Variants in MAPT observed in about 807,000 individuals in gnomAD.
MAPT encodes microtubule associated protein tau, also known as microtubule-associated protein tau.
Under a neutral mutation model 67.9 loss-of-function variants are expected in MAPT, and 34 were observed. The observed-to-expected ratio is 0.50, with a 90% confidence interval of 0.38 to 0.67. MAPT has a LOEUF of 0.67. Ranked by LOEUF, MAPT falls within the 30% of genes least tolerant of loss-of-function variation. The pLI, the probability that MAPT is intolerant of heterozygous loss-of-function variation, is 0.00. For missense variants in MAPT, 881 were observed against 1,115.2 expected (o/e 0.79, Z 2.99); for synonymous variants, 456 against 464.5 (o/e 0.98, Z 0.23).
At chr17:45,994,372 A>G (rs2074305395) in intron 8 of MAPT, among the ~76,000 whole-genome samples, 2 of 152,144 alleles carry the variant, frequency 1.3e-5, no homozygotes, top group African/African-American at 4.8e-5. Flanking sequence ...TGGGTCTCTG[A>G]AGTCAGGGAG....
At chr17:45,964,206 G>T (rs920237630) in intron 2 of MAPT, among the ~76,000 whole-genome samples, 244 of 151,008 alleles carry the variant, frequency 1.6e-3, no homozygotes, top group Middle Eastern at 3.5e-3. Context: ...GTTTTTTTTT[G>T]TTTTGTTTTG....
At chr17:45,961,410 C>T (rs1482622000) in intron 1 of MAPT, among the ~76,000 whole-genome samples, 2 of 152,248 alleles carry the variant, frequency 1.3e-5, no homozygotes, top group African/African-American at 4.8e-5. Context: ...GGAGAGCCAC[C>T]GTTGGAACAC....
At chr17:46,006,408 G>A (rs529067950) in intron 9 of MAPT, among the ~76,000 whole-genome samples, 4 of 152,210 alleles carry the variant, frequency 2.6e-5, no homozygotes, top group Non-Finnish European at 4.4e-5. Flanking sequence ...ATAGAGAGTA[G>A]AAGGATGGTT....
chr17:45,905,899 G>A (rs1391522585), intron 1 of MAPT, among the ~76,000 whole-genome samples: 3 of 152,356 alleles, frequency 2.0e-5, no homozygotes, highest in South Asian at 2.1e-4. Context: ...CCCAGGAGCC[G>A]CAGTCAGGTG....
chr17:46,014,400 C>T, intron 11 of MAPT, 76 bp downstream of exon 11: 1 of 1,004,138 alleles, frequency 1.0e-6, no homozygotes, highest in Non-Finnish European at 1.6e-6. Context: ...TGGAACTGCT[C>T]CAGACTTCAG....
chr17:45,952,362 C>G (rs562288858), intron 1 of MAPT, among the ~76,000 whole-genome samples: 91 of 152,332 alleles, frequency 6.0e-4, no homozygotes, highest in Non-Finnish European at 5.1e-4. Flanking sequence ...CTCACCTGGC[C>G]TGGGCTGGAG....
intron 1 of MAPT, among the ~76,000 whole-genome samples, chr17:45,919,687 A>G (rs928268225): frequency 3.9e-5 from 6 of 152,242 alleles, no homozygotes; most frequent in Non-Finnish European, 8.8e-5. Flanking sequence ...GCAGAGGATC[A>G]CTTGAGCCCA....
chr17:46,023,486 C>T (rs1174661794), intron 12 of MAPT, among the ~76,000 whole-genome samples: 1 of 152,268 alleles, frequency 6.6e-6, no homozygotes, highest in East Asian at 1.9e-4. Context: ...TACCTGGGTG[C>T]CTGGGAGGCA....
At chr17:45,962,259 C>A in intron 1 of MAPT, 62 bp from the exon 2 acceptor site, 1 of 1,399,182 alleles carries the variant, frequency 7.1e-7, no homozygotes, top group Non-Finnish European at 1.0e-6. Flanking sequence ...TCCTCTCTCT[C>A]TTCACCCCCA....
At chr17:45,970,695 G>T (rs1391793899) in intron 2 of MAPT, among the ~76,000 whole-genome samples, 2 of 152,232 alleles carry the variant, frequency 1.3e-5, no homozygotes, top group Non-Finnish European at 2.9e-5. Flanking sequence ...GCCCTGAGAG[G>T]CAGGTCCAAG....
At chr17:46,019,967 G>A (rs1355965725) in intron 12 of MAPT, among the ~76,000 whole-genome samples, 3 of 150,018 alleles carry the variant, frequency 2.0e-5, no homozygotes, top group Admixed American at 6.7e-5. Context: ...AGCCGAGATC[G>A]TGCCACTGCA....
At chr17:46,012,392 C>T (rs1296172061) in intron 10 of MAPT, among the ~76,000 whole-genome samples, 2 of 152,052 alleles carry the variant, frequency 1.3e-5, no homozygotes, top group African/African-American at 4.8e-5. Context: ...CCGCGCTCTG[C>T]TTGTCTGCGG....
At chr17:45,963,325 A>T (rs1000199533) in intron 2 of MAPT, among the ~76,000 whole-genome samples, 11 of 152,062 alleles carry the variant, frequency 7.2e-5, no homozygotes, top group African/African-American at 2.4e-4. Flanking sequence ...ATGGTTGGGG[A>T]CCCCACAGAG....
intron 1 of MAPT, chr17:45,910,743 A>C (rs1181408446): frequency 6.6e-6 from 1 of 151,222 alleles, no homozygotes; most frequent in East Asian, 1.9e-4. Flanking sequence ...ACCACACTGT[A>C]GTCATGGGGG....
chr17:46,016,332 A>C (rs1306178376), intron 11 of MAPT, among the ~76,000 whole-genome samples: 1 of 148,870 alleles, frequency 6.7e-6, no homozygotes, highest in Non-Finnish European at 1.5e-5. Context: ...GCAGAGGCTG[A>C]GTGAGCCAAG....
intron 1 of MAPT, among the ~76,000 whole-genome samples, chr17:45,907,239 C>A (rs1229328473): frequency 6.6e-6 from 1 of 152,208 alleles, no homozygotes; most frequent in Non-Finnish European, 1.5e-5. Context: ...TCACCCATGG[C>A]AGCCTTGCCC....
intron 1 of MAPT, among the ~76,000 whole-genome samples, chr17:45,911,487 G>A (rs185992008): frequency 2.0e-5 from 3 of 152,248 alleles, no homozygotes; most frequent in Admixed American, 6.5e-5. Context: ...AGGGCCAGGT[G>A]CAGTGGCTCA....
At chr17:45,998,610 T>C (rs1301738934) in intron 9 of MAPT, among the ~76,000 whole-genome samples, 1 of 152,166 alleles carries the variant, frequency 6.6e-6, no homozygotes, top group African/African-American at 2.4e-5. Flanking sequence ...CTCAGGCATG[T>C]GGAGCTTGTA....
chr17:45,933,840 AT>A (rs35907411), intron 1 of MAPT, among the ~76,000 whole-genome samples: 1,999 of 137,778 alleles, frequency 0.015, 22 homozygotes, highest in Admixed American at 0.021. Flanking sequence ...ATGTTTTCTG[AT>A]TTTTTTTTTT....
Sources: allele counts gnomAD v4.1 joint callset (sites outside exome capture counted in the v4.1 genomes callset), GRCh38; gene constraint gnomAD v4.1.1; transcripts MANE v1.5; gene names NCBI Gene and HGNC (gene_info 2026-07-23, HGNC 2026-07-21).